The following MED13L variants were observed in gnomAD, a reference collection of about 807,000 sequenced individuals.
MED13L encodes mediator complex subunit 13L.
A neutral mutation model predicts 220.9 loss-of-function variants in MED13L; 7 were observed. The ratio of observed to expected loss-of-function variants is 0.03; its 90% confidence interval spans 0.02 to 0.06. The LOEUF is 0.06. Ranked by LOEUF, MED13L falls within the 10% of genes least tolerant of loss-of-function variation. The pLI, the probability that MED13L is intolerant of heterozygous loss-of-function variation, is 1.00. For missense variants in MED13L, 1,965 were observed against 2,760.5 expected, an observed-to-expected ratio of 0.71 and a Z score of 6.46; for synonymous variants, 1,011 against 1,015.2, an observed-to-expected ratio of 1.00 and a Z score of 0.08.
chr12:116,041,274 T>C (rs537004247), intron 4 of MED13L, among the ~76,000 whole-genome samples: 99 of 152,316 alleles, frequency 6.5e-4, no homozygotes, highest in Non-Finnish European at 1.2e-3. Flanking sequence ...GTCTCTCCCC[T>C]GCTTTGCAGT....
intron 2 of MED13L, among the ~76,000 whole-genome samples, chr12:116,152,183 G>C (rs1449774084): frequency 6.6e-6 from 1 of 152,150 alleles, no homozygotes; most frequent in East Asian, 1.9e-4. Context: ...CCAAAAGGCT[G>C]TGAAAAAGTA....
intron 3 of MED13L, among the ~76,000 whole-genome samples, chr12:116,105,083 T>C (rs771283441): frequency 1.4e-4 from 21 of 152,196 alleles, no homozygotes; most frequent in Non-Finnish European, 1.6e-4. Flanking sequence ...TAACAGCCAT[T>C]AGGTCTGCAA....
intron 4 of MED13L, among the ~76,000 whole-genome samples, chr12:116,070,766 TA>T (rs1489653705): frequency 2.0e-5 from 3 of 152,212 alleles, no homozygotes; most frequent in Admixed American, 6.5e-5. Context: ...CAGAAATCTT[TA>T]AAGATACAAA....
At chr12:116,033,184 C>T (rs536049509) in intron 4 of MED13L, among the ~76,000 whole-genome samples, 11 of 151,874 alleles carry the variant, frequency 7.2e-5, no homozygotes, top group Admixed American at 1.3e-4. Context: ...TTTACACTTG[C>T]CACCTTTTTT....
intron 4 of MED13L, among the ~76,000 whole-genome samples, chr12:116,088,079 G>A (rs1329847779): frequency 1.3e-5 from 2 of 152,082 alleles, no homozygotes; most frequent in Admixed American, 1.3e-4. Context: ...CTGGGGGAGG[G>A]GAAAGAGTTT....
At chr12:116,111,058 T>C (rs1202497384) in intron 3 of MED13L, among the ~76,000 whole-genome samples, 1 of 152,160 alleles carries the variant, frequency 6.6e-6, no homozygotes, top group East Asian at 1.9e-4. Context: ...TTATCAATGT[T>C]ACATTTCCTA....
At position 116,151,261 on chromosome 12, in the gene MED13L, G is replaced by T. The variant is rs186740160; in HGVS notation, c.311-39749C>A. Among the ~76,000 whole-genome samples the T allele has an allele frequency of 3.3e-5, 5 of 152,220 alleles. No homozygotes were observed. The East Asian group carries it at 9.6e-4, about 29-fold the overall frequency. Reference sequence around the variant, plus strand: ...GTGTATAAGAGGTCTTCATAAGGACGTCAATTTTCATATATAATTGGTTGA... The same window carrying T: ...GTGTATAAGAGGTCTTCATAAGGACTTCAATTTTCATATATAATTGGTTGA... On this transcript the variant is annotated intron_variant, in intron 2 of 30. Coordinates refer to ENST00000281928, the MANE Select transcript of MED13L (RefSeq NM_015335.5).
intron 4 of MED13L, among the ~76,000 whole-genome samples, chr12:116,074,454 G>C (rs1334145205): frequency 6.6e-6 from 1 of 152,112 alleles, no homozygotes; most frequent in African/African-American, 2.4e-5. Flanking sequence ...CAATTTTTAA[G>C]TTTTAAAAGA....
intron 13 of MED13L, among the ~76,000 whole-genome samples, chr12:116,004,353 T>C (rs1348229352): frequency 6.6e-6 from 1 of 152,166 alleles, no homozygotes; most frequent in Non-Finnish European, 1.5e-5. Flanking sequence ...TCATTTCTTC[T>C]ACCAGAGTTT....
At chr12:116,178,385 T>C (rs1048923441) in intron 2 of MED13L, among the ~76,000 whole-genome samples, 6 of 152,238 alleles carry the variant, frequency 3.9e-5, no homozygotes, top group Non-Finnish European at 7.3e-5. Context: ...TCCTAAGGAC[T>C]TGCGGAGCAA....
Position 116,007,643 on chromosome 12 carries a change from G to GAAAAAAAAAAAAA in MED13L, c.2013-8_2013-7insTTTTTTTTTTTTT. 2 of 290,172 alleles carry GAAAAAAAAAAAAA rather than the reference G, an allele frequency of 6.9e-6. No homozygotes were observed. The highest frequency in any genetic ancestry group is 6.4e-5 in the East Asian group (1 of 15,596). 18.0% of individuals were successfully genotyped at this position (290,172 alleles called of 1,614,324 possible). A position where few individuals can be genotyped will look rare whatever the true frequency, so the allele number is the denominator to read the frequency against. ...GTTAGGTTGTGCTAAGAGTCTAAAA[G>GAAAAAAAAAAAAA]ACAAAAAAAAAAAAAAAAAAAAGAG... On this transcript the variant is annotated splice_polypyrimidine_tract_variant and splice_region_variant and intron_variant, in intron 10 of 30. Coordinates refer to ENST00000281928, the MANE Select transcript of MED13L (RefSeq NM_015335.5).
intron 1 of MED13L, among the ~76,000 whole-genome samples, chr12:116,251,868 G>C (rs368348532): frequency 6.6e-6 from 1 of 151,480 alleles, no homozygotes; most frequent in Admixed American, 6.6e-5. Context: ...AAGATATACT[G>C]TGCAAATTAT....
chr12:115,978,518 G>C (rs544953466), intron 23 of MED13L, among the ~76,000 whole-genome samples: 31 of 152,168 alleles, frequency 2.0e-4, no homozygotes, highest in Middle Eastern at 3.4e-3. Context: ...GTGGAGACGG[G>C]ATTTTGCCAT....
intron 2 of MED13L, among the ~76,000 whole-genome samples, chr12:116,187,899 G>A (rs61935845): frequency 6.7e-6 from 1 of 150,272 alleles, no homozygotes; most frequent in Non-Finnish European, 1.5e-5. Context: ...AAAAAAAAAG[G>A]CTTTTCCTGT....
chr12:116,012,995 A>G, intron 8 of MED13L, 94 bp from the exon 9 acceptor site: 4 of 869,370 alleles, frequency 4.6e-6, no homozygotes, highest in Non-Finnish European at 7.7e-6. Context: ...TCATTCACAT[A>G]GTAATGGTAT....
intron 29 of MED13L, 121 bp downstream of exon 29, chr12:115,965,961 T>C (rs1418418509): frequency 7.9e-7 from 1 of 1,271,406 alleles, no homozygotes; most frequent in African/African-American, 1.5e-5. Context: ...TATAAGTAGA[T>C]ACAAGAGAAA....
chr12:116,040,577 A>G (rs1271024083), intron 4 of MED13L, among the ~76,000 whole-genome samples: 1 of 152,188 alleles, frequency 6.6e-6, no homozygotes, highest in Non-Finnish European at 1.5e-5. Context: ...CTCAAAAAAT[A>G]AAAGATTCCA....
intron 2 of MED13L, among the ~76,000 whole-genome samples, chr12:116,206,206 A>G (rs59551930): frequency 0.17 from 25,790 of 149,088 alleles, 2,435 homozygotes; most frequent in Middle Eastern, 0.29. Flanking sequence ...TCAGCCTCCT[A>G]AGTAGCTGGG....
At chr12:116,199,938 GT>G (rs1423249018) in intron 2 of MED13L, among the ~76,000 whole-genome samples, 1 of 151,998 alleles carries the variant, frequency 6.6e-6, no homozygotes. Flanking sequence ...ACGTCATACT[GT>G]TTTCCACGAA....
Sources: allele counts gnomAD v4.1 joint callset (sites outside exome capture counted in the v4.1 genomes callset), GRCh38; gene constraint gnomAD v4.1.1; transcripts MANE v1.5; gene names NCBI Gene and HGNC (gene_info 2026-07-23, HGNC 2026-07-21).